SLC37A1: variants seen among roughly 807,000 people sequenced by gnomAD.
The protein encoded by SLC37A1 is glucose-6-phosphate exchanger SLC37A1.
Under a neutral mutation model 75.3 loss-of-function variants are expected in SLC37A1, and 49 were observed. The ratio of observed to expected loss-of-function variants is 0.65; its 90% CI spans 0.52 to 0.83. The LOEUF (loss-of-function observed/expected upper bound fraction) is 0.83, where lower values mean the gene tolerates loss of function less well. Ranked by LOEUF, SLC37A1 falls within the 40% of genes least tolerant of loss-of-function variation. SLC37A1 has a pLI of 0.00. For missense variants in SLC37A1, 566 were observed against 695.0 expected (o/e 0.81, Z 2.09); for synonymous variants, 268 against 292.1 (o/e 0.92, Z 0.84).
Position 42,547,437 on chromosome 21 carries a change from T to G in SLC37A1, c.768+297T>G. Reference sequence around the variant, plus strand: ...CTCCTCAGGAGTGGAGACCTCCTGGTTTCCCCAGGGGCCTCAGTGTGACGG... The same window carrying G: ...CTCCTCAGGAGTGGAGACCTCCTGGGTTCCCCAGGGGCCTCAGTGTGACGG... On this transcript the variant is annotated intron_variant, in intron 9 of 19. Transcript: ENST00000352133. The surrounding 1 kb of genome is among the most constrained non-coding windows in gnomAD (Gnocchi z 6.1). The G allele has an allele frequency of 2.9e-6, 1 of 350,382 alleles. No homozygotes were observed. Among genetic ancestry groups the G allele is most frequent in the Non-Finnish European group, 5.2e-6 (1 of 191,094 alleles). 21.7% of individuals were successfully genotyped at this position (350,382 alleles called of 1,614,324 possible). A position where few individuals can be genotyped will look rare whatever the true frequency, so the allele number is the denominator to read the frequency against.
At chr21:42,524,982 G>A (rs2054744528) in intron 2 of SLC37A1, among the ~76,000 whole-genome samples, 1 of 152,176 alleles carries the variant, frequency 6.6e-6, no homozygotes, top group African/African-American at 2.4e-5. Flanking sequence ...GCCCGCAGAG[G>A]TGGAGTGGAT....
intron 5 of SLC37A1, among the ~76,000 whole-genome samples, chr21:42,536,934 T>A (rs2055154874): frequency 6.6e-6 from 1 of 152,192 alleles, no homozygotes; most frequent in Non-Finnish European, 1.5e-5. Context: ...CCAACCATAG[T>A]CACACCACAG....
chr21:42,564,767 C>A lies in SLC37A1; in HGVS notation c.1195C>A (p.Leu399Met). 1 of 1,608,084 alleles carries A rather than the reference C, an allele frequency of 6.2e-7. No homozygotes were observed. The stretch of plus-strand genomic sequence containing the variant: ...GGAGAAAAGGGCCTCCACCTGCGGC[C>A]TGATGCTGCTGCTCGCGGCCCCCAC... The part of the protein sequence containing the change: ...RLEKRASTCG[L>M]MLLLAAPTLY... The change falls in exon 14 of 20, where the codon CTG (leucine) becomes ATG (methionine). Residue 399 changes from leucine (L) to methionine (M), a missense_variant. Coordinates refer to ENST00000352133, the MANE Select transcript of SLC37A1 (RefSeq NM_001320537.2).
chr21:42,577,321 T>G (rs2056329930), intron 18 of SLC37A1, among the ~76,000 whole-genome samples: 2 of 152,254 alleles, frequency 1.3e-5, no homozygotes, highest in Non-Finnish European at 2.9e-5. Flanking sequence ...TGGGAATGGT[T>G]TATATTTTTA....
chr21:42,536,237 CT>C (rs1041652284), intron 5 of SLC37A1, among the ~76,000 whole-genome samples: 32 of 152,226 alleles, frequency 2.1e-4, no homozygotes, highest in African/African-American at 7.7e-4. Context: ...TACTATACCT[CT>C]TTGGGCCTCA....
intron 3 of SLC37A1, among the ~76,000 whole-genome samples, chr21:42,532,083 G>A (rs2054999127): frequency 6.6e-6 from 1 of 152,306 alleles, no homozygotes; most frequent in South Asian, 2.1e-4. Flanking sequence ...GCCAGGGAGT[G>A]TAAGTGATGT....
At chr21:42,567,115 T>C in intron 16 of SLC37A1, 57 bp downstream of exon 16, 3 of 1,576,646 alleles carry the variant, frequency 1.9e-6, no homozygotes, top group Non-Finnish European at 2.6e-6. Context: ...GTGCCATTCA[T>C]GACAAAAGTG....
chr21:42,557,103 C>T (rs941764494), intron 10 of SLC37A1, among the ~76,000 whole-genome samples: 1 of 152,230 alleles, frequency 6.6e-6, no homozygotes, highest in Admixed American at 6.5e-5. Flanking sequence ...CTGTGTTGAC[C>T]TGCGGTCACT....
chr21:42,505,898 A>G (rs1391223327), intron 2 of SLC37A1, among the ~76,000 whole-genome samples: 4 of 152,230 alleles, frequency 2.6e-5, no homozygotes, highest in Non-Finnish European at 5.9e-5. Flanking sequence ...GACCTCTCCT[A>G]TTCATCTTTG....
chr21:42,581,315 G>C lies in SLC37A1; in HGVS notation c.*955G>C, dbSNP rs1207368266. ...ATATGAAGTTTAAGAGACATAAATGGCATTTTGTTATTTATTAAGACAAAC... is the reference window on the plus strand; with the variant it reads ...ATATGAAGTTTAAGAGACATAAATGCCATTTTGTTATTTATTAAGACAAAC... On this transcript the variant is annotated 3_prime_UTR_variant, in exon 20 of 20. Coordinates refer to ENST00000352133, the MANE Select transcript of SLC37A1 (RefSeq NM_001320537.2). 6.6e-6 allele frequency: 1 copy of C among 152,460 alleles called. No individual in the cohort carries two copies. The allele number at this position is 152,460 out of a possible 1,614,324, so 9.4% of individuals were successfully genotyped here. A position where few individuals can be genotyped will look rare whatever the true frequency, so the allele number is the denominator to read the frequency against.
chr21:42,569,250 T>C (rs1218708746), intron 17 of SLC37A1, among the ~76,000 whole-genome samples: 1 of 152,170 alleles, frequency 6.6e-6, no homozygotes. Flanking sequence ...GCTGGAGCCT[T>C]CCCACTGGCT....
intron 2 of SLC37A1, 116 bp downstream of exon 2, chr21:42,518,626 C>T (rs762505734): frequency 1.7e-6 from 2 of 1,172,646 alleles, no homozygotes; most frequent in Middle Eastern, 2.0e-4. Flanking sequence ...GAATCACTGA[C>T]CTCACCCATA....
chr21:42,571,442 TTTTA>T (rs1449601157), intron 17 of SLC37A1, among the ~76,000 whole-genome samples: 4 of 152,200 alleles, frequency 2.6e-5, no homozygotes, highest in Admixed American at 6.5e-5. Flanking sequence ...TCAAGTTAAT[TTTTA>T]TTTATTAAAG....
intron 3 of SLC37A1, among the ~76,000 whole-genome samples, chr21:42,530,047 A>G (rs1601687757): frequency 6.6e-6 from 1 of 152,220 alleles, no homozygotes; most frequent in African/African-American, 2.4e-5. Context: ...CAAAAAGGAA[A>G]AAAAAACAAT....
At chr21:42,530,659 C>CCCCCCCT (rs1034445660) in intron 3 of SLC37A1, among the ~76,000 whole-genome samples, 9 of 143,160 alleles carry the variant, frequency 6.3e-5, no homozygotes, top group East Asian at 6.1e-4. Flanking sequence ...CACACACCCC[C>CCCCCCCT]TCTGTGTTGG....
intron 2 of SLC37A1, among the ~76,000 whole-genome samples, chr21:42,523,650 C>T (rs1270549231): frequency 3.9e-5 from 6 of 152,236 alleles, no homozygotes; most frequent in Admixed American, 1.3e-4. Context: ...ATAGGCTCGC[C>T]TTTTAGGGTT....
intron 19 of SLC37A1, 46 bp from the exon 20 acceptor site, chr21:42,580,299 C>T: frequency 6.2e-7 from 1 of 1,602,356 alleles, no homozygotes. Flanking sequence ...TCTTGCTGAG[C>T]CACTGCTGGC....
At position 42,542,487 on chromosome 21, in the gene SLC37A1, A is replaced by T. The variant is rs2055308320; in HGVS notation, c.563+7A>T. 6.2e-7 allele frequency: 1 copy of T among 1,613,986 alleles called. No individual in the cohort carries two copies. Among genetic ancestry groups the T allele is most frequent in the Admixed American group, 1.7e-5 (1 of 60,032 alleles). On this transcript the variant is annotated splice_region_variant and intron_variant, in intron 7 of 19. Coordinates refer to ENST00000352133, the MANE Select transcript of SLC37A1 (RefSeq NM_001320537.2). ...ACTGGTTTGGAAAAGGAAGGTGAGA[A>T]AAAGCAGCCCTGTTTCCAATAGCAG...
chr21:42,564,860 C>G, intron 14 of SLC37A1, 67 bp downstream of exon 14: 1 of 1,445,486 alleles, frequency 6.9e-7, no homozygotes, highest in Non-Finnish European at 9.5e-7. Context: ...TCCTCGCCAG[C>G]CAGCATCCTT....
Sources: allele counts gnomAD v4.1 joint callset (sites outside exome capture counted in the v4.1 genomes callset), GRCh38; gene constraint gnomAD v4.1.1; non-coding constraint Gnocchi (gnomAD v3.1); transcripts MANE v1.5; gene names NCBI Gene and HGNC (gene_info 2026-07-23, HGNC 2026-07-21).